USH1C: variants seen among roughly 807,000 people sequenced by gnomAD.
USH1C encodes USH1 protein network component harmonin.
Under a neutral mutation model 119.3 loss-of-function variants are expected in USH1C, and 90 were observed. The observed-to-expected ratio is 0.75, with a 90% CI of 0.64 to 0.90. The LOEUF (loss-of-function observed/expected upper bound fraction) is 0.90. USH1C is among the 40% of genes least tolerant of loss of function. USH1C has a pLI of 0.00. For missense variants in USH1C, 1,165 were observed against 1,167.7 expected, an observed-to-expected ratio of 1.00 and a Z score of 0.03; for synonymous variants, 465 against 443.3, an observed-to-expected ratio of 1.05 and a Z score of -0.62.
intron 14 of USH1C, 188 bp from the exon 15 acceptor site, chr11:17,516,478 C>G (rs1419246470): frequency 4.7e-6 from 3 of 644,140 alleles, no homozygotes. Flanking sequence ...GGTTGCAGAA[C>G]AGGCCTAAGA....
Position 17,509,240 on chromosome 11 carries a change from G to A in USH1C, c.2013+116C>T. The A allele has an allele frequency of 2.2e-6, 3 of 1,392,124 alleles. 1 individual carries two copies. Among genetic ancestry groups the A allele is most frequent in the Non-Finnish European group, 2.9e-6 (3 of 1,048,524 alleles). The allele number at this position is 1,392,124 out of a possible 1,614,324, so 86.2% of individuals were successfully genotyped here. On this transcript the variant is annotated intron_variant, in intron 18 of 26. Transcript: ENST00000005226. Reference sequence around the variant, plus strand: ...ACGGAGGGGGCATTCCTGGAAAATGGGGTGAGATGATGTTTCTTTCTGTCT... The same window carrying A: ...ACGGAGGGGGCATTCCTGGAAAATGAGGTGAGATGATGTTTCTTTCTGTCT...
intron 15 of USH1C, among the ~76,000 whole-genome samples, chr11:17,514,279 T>G (rs552080306): frequency 6.6e-6 from 1 of 152,184 alleles, no homozygotes; most frequent in Non-Finnish European, 1.5e-5. Flanking sequence ...AGTGCAGTGG[T>G]GCAATCTCGG....
At chr11:17,540,965 T>G (rs1201008293) in intron 1 of USH1C, among the ~76,000 whole-genome samples, 1 of 152,166 alleles carries the variant, frequency 6.6e-6, no homozygotes, top group Non-Finnish European at 1.5e-5. Flanking sequence ...TTTCTCACCA[T>G]TCTCCACTCA....
At chr11:17,514,797 C>CTT (rs57651457) in intron 15 of USH1C, among the ~76,000 whole-genome samples, 11 of 138,964 alleles carry the variant, frequency 7.9e-5, no homozygotes, top group African/African-American at 3.1e-4. Context: ...AGAAGCAATT[C>CTT]TTTTTTTTTT....
chr11:17,497,338 G>T (rs1446544613), intron 24 of USH1C, among the ~76,000 whole-genome samples: 1 of 152,064 alleles, frequency 6.6e-6, no homozygotes, highest in Non-Finnish European at 1.5e-5. Flanking sequence ...AAAAGTATTG[G>T]AAATATCACT....
At chr11:17,503,119 G>A (rs1849508511) in intron 20 of USH1C, among the ~76,000 whole-genome samples, 2 of 152,186 alleles carry the variant, frequency 1.3e-5, no homozygotes, top group South Asian at 2.1e-4. Flanking sequence ...AATCACCCAG[G>A]CTCAACCCCA....
At position 17,522,810 on chromosome 11, in the gene USH1C, G is replaced by C. The variant is rs1323294693; in HGVS notation, c.993C>G (p.Leu331=). The C allele has an allele frequency of 1.2e-6, 2 of 1,614,014 alleles. No homozygotes were observed. Among genetic ancestry groups the C allele is most frequent in the Admixed American group, 3.3e-5 (2 of 60,028 alleles). The stretch of plus-strand genomic sequence containing the variant: ...GCCGCTCCATCTCCTGCTGCTCCTG[G>C]AGGATCTTGTTGGACTCCATCGCCA... ...KRLAMESNKI[L]QEQQEMERQR... Residue 331 remains leucine, a synonymous_variant, in exon 12 of 27, where the codon CTC becomes CTG. Coordinates refer to ENST00000005226, the MANE Select transcript of USH1C (RefSeq NM_153676.4).
Position 17,509,598 on chromosome 11 carries a change from A to G in USH1C, c.1771T>C (p.Ser591Pro), listed in dbSNP as rs1591978462. ...GTGCGCTGCACCCATGGAGAGGATGAGGCGCTCACATGGCCAGATAAGGGA... is the reference window on the plus strand; with the variant it reads ...GTGCGCTGCACCCATGGAGAGGATGGGGCGCTCACATGGCCAGATAAGGGA... ...VLPLSGHVSA[S>P]SSPWVQRTPP... The change falls in exon 18 of 27, where the codon TCA (serine) becomes CCA (proline). Residue 591 changes from serine (S) to proline (P), a missense_variant. By Grantham distance (74) the Ser-to-Pro change is moderately conservative. Transcript: ENST00000005226. The G allele has an allele frequency of 1.3e-6, 2 of 1,574,500 alleles. No homozygotes were observed.
At chr11:17,518,244 CT>C (rs1850246406) in intron 14 of USH1C, among the ~76,000 whole-genome samples, 1 of 152,228 alleles carries the variant, frequency 6.6e-6, no homozygotes, top group Admixed American at 6.5e-5. Context: ...TGCTCCCTTA[CT>C]AACAAGGACT....
intron 15 of USH1C, among the ~76,000 whole-genome samples, chr11:17,515,127 G>A (rs1215838590): frequency 6.6e-6 from 1 of 151,854 alleles, no homozygotes; most frequent in Non-Finnish European, 1.5e-5. Context: ...AGAATATAGA[G>A]AAGAATTAGA....
chr11:17,501,928 T>A lies in USH1C; in HGVS notation c.2226+11A>T, dbSNP rs779676652. On this transcript the variant is annotated intron_variant, in intron 21 of 26. Coordinates refer to ENST00000005226, the MANE Select transcript of USH1C (RefSeq NM_153676.4). ...GGGTTACTTGTCCAGGAGAGAAGCG[T>A]CATCTCTTACCATAGAGTAGGGGTC... 2.5e-6 allele frequency: 4 copies of A among 1,613,220 alleles called. No individual in the cohort carries two copies. The South Asian group carries it at 4.4e-5, about 18-fold the overall frequency.
At position 17,526,420 on chromosome 11, in the gene USH1C, A is replaced by G. The variant is rs1344788007; in HGVS notation, c.601T>C (p.Ser201Pro). The G allele has an allele frequency of 1.9e-6, 3 of 1,614,066 alleles. No homozygotes were observed. The highest frequency in any genetic ancestry group is 3.3e-5 in the Admixed American group (2 of 60,024). ...TCCTTGTTTTCCCGATTTCCAGGGG[A>G]GCCCAGGCTGCCTCGCACGCCCTGA... ...ESGGVRGSLG[S>P]PGNRENKEKK... is the part of the protein sequence containing the mutation. The change falls in exon 8 of 27, where the codon TCC (serine) becomes CCC (proline). Residue 201 changes from serine to proline, a missense_variant. Ser to Pro is a moderately conservative substitution (Grantham distance 74). Coordinates refer to ENST00000005226, the MANE Select transcript of USH1C (RefSeq NM_153676.4).
chr11:17,527,379 G>A, intron 4 of USH1C, 48 bp from the exon 5 acceptor site: 1 of 1,428,708 alleles, frequency 7.0e-7, no homozygotes, highest in Non-Finnish European at 9.8e-7. Flanking sequence ...GGAGCATCAG[G>A]CAGTGGGGCA....
intron 14 of USH1C, among the ~76,000 whole-genome samples, chr11:17,519,570 G>A (rs1015234690): frequency 4.6e-5 from 7 of 152,182 alleles, no homozygotes. Context: ...AATTAAAATC[G>A]ATTTCTCTCC....
intron 13 of USH1C, 139 bp from the exon 14 acceptor site, chr11:17,521,133 G>A: frequency 7.8e-7 from 1 of 1,276,318 alleles, no homozygotes; most frequent in South Asian, 1.2e-5. Context: ...CCCCGAGCTT[G>A]TATTCTAAAT....
In USH1C at chr11:17,502,014, G is replaced by A. The variant is rs202025942; in HGVS notation, c.2185-34C>T. The A allele has an allele frequency of 9.6e-5, 154 of 1,610,942 alleles. No individual in the cohort carries two copies. The African/African-American group carries it at 1.6e-3, about 16-fold the overall frequency. On this transcript the variant is annotated intron_variant, in intron 20 of 26. Transcript: ENST00000005226. ...AAAGGGAGGGCTTTAGGGCAACACA[G>A]CAGAGGGTCTTGAGGGTCAGAGCCG... is the stretch of plus-strand genomic sequence containing the variant.
At chr11:17,536,913 A>C (rs1400572505) in intron 1 of USH1C, among the ~76,000 whole-genome samples, 1 of 152,222 alleles carries the variant, frequency 6.6e-6, no homozygotes, top group Non-Finnish European at 1.5e-5. Flanking sequence ...ATAGATCATC[A>C]AAAACTTGAA....
At chr11:17,499,121 G>A (rs1000726854) in intron 23 of USH1C, among the ~76,000 whole-genome samples, 1 of 152,210 alleles carries the variant, frequency 6.6e-6, no homozygotes, top group Non-Finnish European at 1.5e-5. Flanking sequence ...TTTCCAAGAG[G>A]TAGACAGATT....
intron 15 of USH1C, 134 bp downstream of exon 15, chr11:17,516,107 A>G: frequency 1.0e-6 from 1 of 963,018 alleles, no homozygotes; most frequent in Non-Finnish European, 1.6e-6. Context: ...ACAAAGATGG[A>G]GATGGAGTTA....
Sources: allele counts gnomAD v4.1 joint callset (sites outside exome capture counted in the v4.1 genomes callset), GRCh38; gene constraint gnomAD v4.1.1; transcripts MANE v1.5; gene names NCBI Gene and HGNC (gene_info 2026-07-23, HGNC 2026-07-21).